NRG1: variants seen among roughly 807,000 people sequenced by gnomAD.
NRG1 encodes neuregulin 1.
Under a neutral mutation model 63.8 loss-of-function variants are expected in NRG1, and 18 were observed. The observed-to-expected ratio is 0.28, with a 90% confidence interval of 0.19 to 0.42. The LOEUF (loss-of-function observed/expected upper bound fraction) is 0.42, where lower values mean the gene tolerates loss of function less well. NRG1 is among the 10% of genes least tolerant of loss of function. NRG1 has a pLI of 1.00. For missense variants in NRG1, 762 were observed against 814.7 expected (o/e 0.94, Z 0.79); for synonymous variants, 302 against 301.3 (o/e 1.00, Z -0.02).
intron 1 of NRG1, among the ~76,000 whole-genome samples, chr8:32,307,996 C>T (rs532194153): frequency 6.6e-6 from 1 of 152,286 alleles, no homozygotes; most frequent in South Asian, 2.1e-4. Flanking sequence ...GAACTCCGAC[C>T]ACGCTGGGTG....
chr8:32,493,548 C>T (rs1826843130), intron 1 of NRG1, among the ~76,000 whole-genome samples: 1 of 152,164 alleles, frequency 6.6e-6, no homozygotes, highest in African/African-American at 2.4e-5. Context: ...AAGGGAAATG[C>T]ATCTCAAACA....
intron 1 of NRG1, among the ~76,000 whole-genome samples, chr8:32,392,354 C>T (rs1474536959): frequency 3.3e-5 from 5 of 152,122 alleles, no homozygotes; most frequent in Admixed American, 3.3e-4. Context: ...TTCTTACATC[C>T]CATAAAAGCA....
chr8:31,648,316 T>C (rs1305894406), intron 1 of NRG1, among the ~76,000 whole-genome samples: 1 of 151,814 alleles, frequency 6.6e-6, no homozygotes, highest in East Asian at 1.9e-4. Flanking sequence ...GTATTTTTAG[T>C]AGAGACGGGG....
intron 1 of NRG1, among the ~76,000 whole-genome samples, chr8:32,056,955 T>A (rs1041297337): frequency 3.3e-5 from 5 of 152,202 alleles, no homozygotes; most frequent in Admixed American, 2.0e-4. Context: ...GTGAGTAGAC[T>A]CATTTCTAAC....
intron 1 of NRG1, among the ~76,000 whole-genome samples, chr8:31,789,257 A>G (rs571285705): frequency 1.3e-5 from 2 of 152,354 alleles, no homozygotes; most frequent in East Asian, 3.9e-4. Context: ...TTGGAGAAAA[A>G]AAGTAGTCAG....
intron 1 of NRG1, among the ~76,000 whole-genome samples, chr8:32,186,446 G>A (rs1841973399): frequency 6.9e-6 from 1 of 144,176 alleles, no homozygotes; most frequent in South Asian, 2.2e-4. Context: ...GGGTGACAGA[G>A]CGAGACTCCG....
At chr8:32,451,789 T>A (rs1394450355) in intron 1 of NRG1, among the ~76,000 whole-genome samples, 1 of 152,200 alleles carries the variant, frequency 6.6e-6, no homozygotes, top group Non-Finnish European at 1.5e-5. Flanking sequence ...TTTTGTTTAT[T>A]TGGGGAGGAT....
chr8:32,579,874 G>A (rs1840333771), intron 1 of NRG1, among the ~76,000 whole-genome samples: 1 of 152,158 alleles, frequency 6.6e-6, no homozygotes, highest in Non-Finnish European at 1.5e-5. Context: ...GCTGCAGGAG[G>A]CTCTAGGAGA....
chr8:32,494,458 T>C (rs557659602), intron 1 of NRG1, among the ~76,000 whole-genome samples: 2 of 152,324 alleles, frequency 1.3e-5, no homozygotes, highest in South Asian at 4.1e-4. Context: ...GTGATCCATT[T>C]GTTAATTTTT....
chr8:31,670,948 C>A (rs750055666), intron 1 of NRG1, among the ~76,000 whole-genome samples: 1 of 152,148 alleles, frequency 6.6e-6, no homozygotes, highest in Non-Finnish European at 1.5e-5. Flanking sequence ...TCAGTTCTCA[C>A]CCTTCTCTCG....
intron 1 of NRG1, among the ~76,000 whole-genome samples, chr8:31,771,595 T>C: frequency 6.6e-6 from 1 of 152,186 alleles, no homozygotes; most frequent in East Asian, 1.9e-4. Flanking sequence ...TGAATATATC[T>C]ATTCATTTTT....
intron 5 of NRG1, among the ~76,000 whole-genome samples, chr8:32,651,510 A>T (rs1014782592): frequency 6.6e-6 from 1 of 152,154 alleles, no homozygotes; most frequent in African/African-American, 2.4e-5. Flanking sequence ...GAGCTGATTA[A>T]TTAAATTATA....
At chr8:31,982,258 G>A (rs1359719025) in intron 1 of NRG1, among the ~76,000 whole-genome samples, 2 of 152,046 alleles carry the variant, frequency 1.3e-5, no homozygotes, top group Non-Finnish European at 2.9e-5. Flanking sequence ...GTAGAGAATA[G>A]TCATTCTTAG....
chr8:32,401,630 A>G (rs1350877389), intron 1 of NRG1, among the ~76,000 whole-genome samples: 1 of 152,236 alleles, frequency 6.6e-6, no homozygotes, highest in Non-Finnish European at 1.5e-5. Flanking sequence ...AAATGAACAC[A>G]GGAACAGAAA....
chr8:32,508,722 G>T (rs1828834221), intron 1 of NRG1, among the ~76,000 whole-genome samples: 1 of 152,018 alleles, frequency 6.6e-6, no homozygotes, highest in South Asian at 2.1e-4. Flanking sequence ...TGGTTTTGTT[G>T]TTGTTTTGGT....
At chr8:31,687,827 C>T (rs887057971) in intron 1 of NRG1, among the ~76,000 whole-genome samples, 1 of 152,200 alleles carries the variant, frequency 6.6e-6, no homozygotes, top group African/African-American at 2.4e-5. Context: ...CTTTGTAAAC[C>T]ACCTCCATTA....
chr8:32,003,308 C>T (rs939480849), intron 1 of NRG1, among the ~76,000 whole-genome samples: 2 of 152,018 alleles, frequency 1.3e-5, no homozygotes, highest in East Asian at 3.9e-4. Flanking sequence ...AGTAATTTGA[C>T]CTGAACAGCA....
At chr8:32,525,391 G>A (rs866345028) in intron 1 of NRG1, among the ~76,000 whole-genome samples, 23 of 145,890 alleles carry the variant, frequency 1.6e-4, no homozygotes, top group African/African-American at 5.9e-4. Context: ...ATGAGGTAGG[G>A]GTGTGTGTGT....
At chr8:32,413,941 C>G (rs1428039792) in intron 1 of NRG1, among the ~76,000 whole-genome samples, 2 of 140,334 alleles carry the variant, frequency 1.4e-5, no homozygotes, top group Non-Finnish European at 3.1e-5. Flanking sequence ...TTTTTTTTTT[C>G]TGTTATAACT....
Sources: gnomAD v4.1 joint callset for allele counts (sites outside exome capture counted in the v4.1 genomes callset) on GRCh38, gnomAD v4.1.1 for gene constraint, MANE v1.5 for transcripts, NCBI Gene and HGNC (gene_info 2026-07-23, HGNC 2026-07-21) for gene names.